Variants in EPRS1 observed in about 807,000 individuals in gnomAD.
EPRS1 encodes the protein bifunctional glutamate/proline--tRNA ligase.
Under a neutral mutation model 188.3 loss-of-function variants are expected in EPRS1, and 107 were observed. The observed-to-expected ratio is 0.57, with a 90% CI of 0.49 to 0.67. EPRS1 has a LOEUF of 0.67. Ranked by LOEUF, EPRS1 falls within the 30% of genes least tolerant of loss-of-function variation. The pLI is 0.00. For synonymous variants in EPRS1, 596 were observed against 593.1 expected, an observed-to-expected ratio of 1.00 and a Z score of -0.07; for missense variants, 1,577 against 1,802.2, an observed-to-expected ratio of 0.88 and a Z score of 2.26.
chr1:220,044,702 A>AAAAAC, intron 1 of EPRS1, among the ~76,000 whole-genome samples: 1 of 143,740 alleles, frequency 7.0e-6, no homozygotes, highest in African/African-American at 2.7e-5. Flanking sequence ...AAAAAAAAAA[A>AAAAAC]AAAAAAAAAA....
At chr1:220,042,363 G>T (rs1292127957) in intron 1 of EPRS1, among the ~76,000 whole-genome samples, 1 of 149,708 alleles carries the variant, frequency 6.7e-6, no homozygotes, top group Admixed American at 6.7e-5. Context: ...TGTGCCTGTA[G>T]TCCCAGCTAC....
At chr1:219,993,351 T>A (rs888920865) in intron 18 of EPRS1, among the ~76,000 whole-genome samples, 9 of 152,356 alleles carry the variant, frequency 5.9e-5, no homozygotes, top group Admixed American at 2.6e-4. Context: ...TCCATTATTT[T>A]ATGCAGCAAC....
intron 9 of EPRS1, 23 bp downstream of exon 9, chr1:220,022,324 C>A: frequency 2.5e-6 from 4 of 1,593,530 alleles, no homozygotes; most frequent in Non-Finnish European, 2.6e-6. Flanking sequence ...GGCTACCTAG[C>A]ATATTGAAGG....
chr1:219,992,157 A>T (rs1414519058), intron 18 of EPRS1, among the ~76,000 whole-genome samples: 1 of 152,180 alleles, frequency 6.6e-6, no homozygotes, highest in Non-Finnish European at 1.5e-5. Flanking sequence ...AATGGACAAA[A>T]GGGTACAGGG....
rs149579435 is a variant in EPRS1 at position 220,005,693 on chromosome 1, G to C, written c.1951-333C>G. Reference sequence around the variant, plus strand: ...TAGGTGAAAGGCATGCTGGCGTAAGGCTTAAATACGAGGGTCAGATTTGAA... The same window carrying C: ...TAGGTGAAAGGCATGCTGGCGTAAGCCTTAAATACGAGGGTCAGATTTGAA... On this transcript the variant is annotated intron_variant, in intron 15 of 31. Coordinates refer to ENST00000366923, the MANE Select transcript of EPRS1 (RefSeq NM_004446.3). 3.5e-3 allele frequency among the ~76,000 whole-genome samples: 526 copies of C among 152,188 alleles called. 5 individuals carry two copies. Among genetic ancestry groups the C allele is most frequent in the African/African-American group, 0.012 (515 of 41,534 alleles).
chr1:220,029,591 A>T (rs1165324911), intron 6 of EPRS1, among the ~76,000 whole-genome samples: 3 of 152,242 alleles, frequency 2.0e-5, no homozygotes, highest in Non-Finnish European at 2.9e-5. Context: ...TGGAAATCTT[A>T]AATTTGGAAA....
At chr1:220,033,708 T>TA (rs765382287) in intron 3 of EPRS1, 50 bp from the exon 4 acceptor site, 1 of 1,427,088 alleles carries the variant, frequency 7.0e-7, no homozygotes, top group Non-Finnish European at 9.7e-7. Flanking sequence ...TTTCAACTTA[T>TA]AAAAAGAAAG....
chr1:220,019,105 C>A (rs1293741905), intron 10 of EPRS1, 26 bp from the exon 11 acceptor site: 5 of 1,458,206 alleles, frequency 3.4e-6, no homozygotes, highest in Non-Finnish European at 4.8e-6. Flanking sequence ...TTTTAAGTAC[C>A]AAGGAAATTT....
At chr1:220,042,938 AAAC>A (rs1662327057) in intron 1 of EPRS1, among the ~76,000 whole-genome samples, 1 of 152,112 alleles carries the variant, frequency 6.6e-6, no homozygotes, top group Non-Finnish European at 1.5e-5. Context: ...AACAAACAAA[AAAC>A]AACATCAACA....
rs903691628 is a variant in EPRS1, at chr1:220,046,454, C to T, written c.-66G>A. ...CGTGCCAGAACTACGGAGGACCCCGCGAAAGGAAGAAGATGCAACGTGTGC... is the reference window on the plus strand; with the variant it reads ...CGTGCCAGAACTACGGAGGACCCCGTGAAAGGAAGAAGATGCAACGTGTGC... On this transcript the variant is annotated 5_prime_UTR_variant, in exon 1 of 32. Transcript: ENST00000366923. 3.1e-6 allele frequency: 5 copies of T among 1,601,474 alleles called. No homozygotes were observed. Among genetic ancestry groups the T allele is most frequent in the Admixed American group, 1.7e-5 (1 of 58,104 alleles).
At chr1:220,021,584 T>C (rs557142478) in intron 9 of EPRS1, among the ~76,000 whole-genome samples, 24 of 152,342 alleles carry the variant, frequency 1.6e-4, no homozygotes, top group African/African-American at 5.8e-4. Flanking sequence ...AAAATGTGTA[T>C]CCAAAGTCAC....
intron 25 of EPRS1, 115 bp from the exon 26 acceptor site, chr1:219,980,355 A>C (rs1313023047): frequency 3.2e-5 from 24 of 742,012 alleles, no homozygotes; most frequent in Non-Finnish European, 6.4e-6. Context: ...GAACAATAAA[A>C]ACCTCTTTTT....
At chr1:220,019,459 C>T (rs1661817302) in intron 10 of EPRS1, among the ~76,000 whole-genome samples, 1 of 152,184 alleles carries the variant, frequency 6.6e-6, no homozygotes, top group African/African-American at 2.4e-5. Flanking sequence ...CTGTCATTCA[C>T]ATATGAATAT....
chr1:219,987,203 G>T lies in EPRS1; in HGVS notation c.2977C>A (p.Gln993Lys). The change falls in exon 20 of 32, where the codon CAA (glutamine) becomes AAA (lysine). Residue 993 changes from glutamine (Q) to lysine (K), a missense_variant. Physicochemically the swap from Gln to Lys is moderately conservative, Grantham distance 53 (BLOSUM62 1). Around this residue, in one of 3 missense-constraint regions of EPRS1, gnomAD observed 1,278 missense variants for 1,457.4 expected, o/e 0.88. Coordinates refer to ENST00000366923, the MANE Select transcript of EPRS1 (RefSeq NM_004446.3). ...CCACTTGATGAGAGCCCACCTCCTT[G>T]GTTTTTAGAAGGGTCTTTCCTTTGG... is the stretch of plus-strand genomic sequence containing the variant. ...DGQRKDPSKN[Q>K]GGGLSSSGAG... 6.2e-7 allele frequency: 1 copy of T among 1,613,978 alleles called. No individual in the cohort carries two copies. Among genetic ancestry groups the T allele is most frequent in the Non-Finnish European group, 8.5e-7 (1 of 1,179,954 alleles).
rs930995541 is a variant in EPRS1 at position 219,968,901 on chromosome 1, G to T, written c.4444C>A (p.Pro1482Thr). The change falls in exon 32 of 32, where the codon CCC becomes ACC. Residue 1482 changes from proline to threonine, a missense_variant. By Grantham distance (38) the Pro-to-Thr change is conservative. Around this residue, in one of 3 missense-constraint regions of EPRS1, gnomAD observed 296 missense variants for 327.9 expected, o/e 0.90. Coordinates refer to ENST00000366923, the MANE Select transcript of EPRS1 (RefSeq NM_004446.3). ...TGCAGTTCACAGAGTGGTTTGAAGGGGATGCAAAGGCTTTTAGCTCCCATG... is the reference window on the plus strand; with the variant it reads ...TGCAGTTCACAGAGTGGTTTGAAGGTGATGCAAAGGCTTTTAGCTCCCATG... ...PSMGAKSLCI[P>T]FKPLCELQPG... The T allele has an allele frequency of 3.7e-6, 6 of 1,613,966 alleles. No homozygotes were observed. The South Asian group carries it at 6.6e-5, about 18-fold the overall frequency.
At chr1:220,008,372 G>A (rs947925482) in intron 13 of EPRS1, among the ~76,000 whole-genome samples, 5 of 151,418 alleles carry the variant, frequency 3.3e-5, no homozygotes, top group African/African-American at 7.3e-5. Flanking sequence ...TAAAAAGAAC[G>A]CCATAATTTC....
intron 6 of EPRS1, among the ~76,000 whole-genome samples, chr1:220,029,179 T>C (rs1278989500): frequency 6.6e-6 from 1 of 152,040 alleles, no homozygotes; most frequent in African/African-American, 2.4e-5. Flanking sequence ...TCATACCAAG[T>C]GCACAGTAGC....
chr1:219,976,866 G>A (rs1660791882), intron 28 of EPRS1, among the ~76,000 whole-genome samples: 1 of 152,046 alleles, frequency 6.6e-6, no homozygotes, highest in African/African-American at 2.4e-5. Context: ...TAAAAGATTC[G>A]TGTTTTGTTT....
chr1:220,032,274 G>T, intron 5 of EPRS1, 113 bp downstream of exon 5: 2 of 696,804 alleles, frequency 2.9e-6, no homozygotes, highest in Non-Finnish European at 4.2e-6. Context: ...TTTTAGCAGA[G>T]ATGCGGTTTC....
Sources: allele counts gnomAD v4.1 joint callset (sites outside exome capture counted in the v4.1 genomes callset), GRCh38; gene constraint gnomAD v4.1.1; regional missense constraint gnomAD v4.1.1; transcripts MANE v1.5; gene names NCBI Gene and HGNC (gene_info 2026-07-23, HGNC 2026-07-21).